CNTNAP2: variants seen among roughly 807,000 people sequenced by gnomAD.
CNTNAP2 encodes contactin associated protein 2, also known as contactin-associated protein-like 2.
In CNTNAP2, 98 loss-of-function variants were observed where a neutral mutation model predicts 155.2. The ratio of observed to expected loss-of-function variants is 0.63; its 90% CI spans 0.54 to 0.75. CNTNAP2 has a LOEUF of 0.75. Ranked by LOEUF, CNTNAP2 falls within the 30% of genes least tolerant of loss-of-function variation. The pLI, the probability that CNTNAP2 is intolerant of heterozygous loss-of-function variation, is 0.00. For synonymous variants in CNTNAP2, 651 were observed against 631.2 expected, an observed-to-expected ratio of 1.03 and a Z score of -0.47; for missense variants, 1,727 against 1,688.1, an observed-to-expected ratio of 1.02 and a Z score of -0.40.
chr7:147,160,867 G>A (rs1277852353), intron 8 of CNTNAP2, among the ~76,000 whole-genome samples: 1 of 152,114 alleles, frequency 6.6e-6, no homozygotes, highest in African/African-American at 2.4e-5. Flanking sequence ...GAAGAAAGAA[G>A]CAATGAATCT....
At chr7:148,047,541 T>TA (rs758994043) in intron 15 of CNTNAP2, among the ~76,000 whole-genome samples, 487 of 150,154 alleles carry the variant, frequency 3.2e-3, no homozygotes, top group Non-Finnish European at 5.8e-3. Context: ...ATATCACCAA[T>TA]AAAAAAAAAG....
chr7:148,364,608 C>G (rs1798696284), intron 21 of CNTNAP2, among the ~76,000 whole-genome samples: 1 of 152,146 alleles, frequency 6.6e-6, no homozygotes, highest in African/African-American at 2.4e-5. Context: ...CTGGTGGGGC[C>G]TTGGAGAACC....
intron 9 of CNTNAP2, among the ~76,000 whole-genome samples, chr7:147,312,757 A>T (rs1795149782): frequency 8.7e-6 from 1 of 114,434 alleles, no homozygotes; most frequent in Non-Finnish European, 1.7e-5. Flanking sequence ...CATGATTTAT[A>T]GTCCTTTGGG....
At chr7:147,251,115 C>A (rs1804187235) in intron 8 of CNTNAP2, among the ~76,000 whole-genome samples, 1 of 152,156 alleles carries the variant, frequency 6.6e-6, no homozygotes, top group East Asian at 1.9e-4. Flanking sequence ...AGGACATAAT[C>A]ATTCACACCC....
intron 9 of CNTNAP2, among the ~76,000 whole-genome samples, chr7:147,351,307 T>C (rs1212737604): frequency 6.6e-6 from 1 of 151,764 alleles, no homozygotes; most frequent in Non-Finnish European, 1.5e-5. Flanking sequence ...ATTATACTAA[T>C]TTCTGAATAT....
At chr7:146,278,440 A>G (rs887593300) in intron 1 of CNTNAP2, among the ~76,000 whole-genome samples, 1 of 152,200 alleles carries the variant, frequency 6.6e-6, no homozygotes, top group African/African-American at 2.4e-5. Flanking sequence ...AAAGGAGAAG[A>G]AAAGTTTAAA....
At chr7:146,816,368 C>T (rs1206238715) in intron 2 of CNTNAP2, among the ~76,000 whole-genome samples, 2 of 151,962 alleles carry the variant, frequency 1.3e-5, no homozygotes, top group Non-Finnish European at 2.9e-5. Context: ...GAAGAGGATT[C>T]GGTGGAGAGA....
chr7:147,095,560 C>A (rs1229913160), intron 4 of CNTNAP2, among the ~76,000 whole-genome samples: 1 of 151,546 alleles, frequency 6.6e-6, no homozygotes, highest in Non-Finnish European at 1.5e-5. Flanking sequence ...AGTTCTATTT[C>A]AAATCTCAGT....
intron 13 of CNTNAP2, among the ~76,000 whole-genome samples, chr7:147,795,911 A>G (rs1474649821): frequency 6.6e-6 from 1 of 152,202 alleles, no homozygotes; most frequent in East Asian, 1.9e-4. Flanking sequence ...ACATAAGCAC[A>G]TAAGCCAGGC....
rs150261617 is a variant in CNTNAP2, at chr7:147,165,495, T to A, written c.1348+32986T>A. On this transcript the variant is annotated intron_variant, in intron 8 of 23. Transcript: ENST00000361727. The stretch of plus-strand genomic sequence containing the variant: ...CTGTTCCCTTTGCTGTGCAGATAAG[T>A]CCCATCTATTTATCTTTGTTTCTGT... 2.4e-3 allele frequency among the ~76,000 whole-genome samples: 368 copies of A among 152,220 alleles called. 1 individual carries two copies. The highest frequency in any genetic ancestry group is 8.4e-3 in the African/African-American group (350 of 41,558).
intron 12 of CNTNAP2, among the ~76,000 whole-genome samples, chr7:147,580,499 C>T (rs1800478350): frequency 6.6e-6 from 1 of 152,144 alleles, no homozygotes. Flanking sequence ...TAATTGGGTT[C>T]AGCATCTTCA....
At chr7:148,386,299 G>T (rs141678103) in intron 22 of CNTNAP2, among the ~76,000 whole-genome samples, 4,406 of 152,260 alleles carry the variant, frequency 0.029, 72 homozygotes, top group Non-Finnish European at 0.036. Context: ...GGAGGCTGAG[G>T]TGGGTGGATC....
At chr7:147,471,702 T>C (rs1798218054) in intron 10 of CNTNAP2, among the ~76,000 whole-genome samples, 1 of 152,232 alleles carries the variant, frequency 6.6e-6, no homozygotes, top group Admixed American at 6.5e-5. Flanking sequence ...CTTGAGAACC[T>C]ACTCAATGCC....
At chr7:146,903,136 G>A (rs1235365723) in intron 3 of CNTNAP2, among the ~76,000 whole-genome samples, 2 of 152,162 alleles carry the variant, frequency 1.3e-5, no homozygotes, top group African/African-American at 4.8e-5. Flanking sequence ...ACAGGGTATT[G>A]TTCAGTTCAG....
At chr7:146,856,317 C>G (rs962696054) in intron 3 of CNTNAP2, among the ~76,000 whole-genome samples, 6 of 151,186 alleles carry the variant, frequency 4.0e-5, no homozygotes, top group East Asian at 3.9e-4. Context: ...TACATACATA[C>G]ATACATACAT....
At chr7:146,611,339 CTTCAGCTTCCCAA>C (rs756542068) in intron 1 of CNTNAP2, among the ~76,000 whole-genome samples, 3 of 152,220 alleles carry the variant, frequency 2.0e-5, no homozygotes, top group Non-Finnish European at 4.4e-5. Context: ...AATCTTCCCC[CTTCAGCTTCCCAA>C]AGTGCTGGGA....
intron 11 of CNTNAP2, among the ~76,000 whole-genome samples, chr7:147,498,750 G>T (rs1296021231): frequency 6.6e-6 from 1 of 152,098 alleles, no homozygotes; most frequent in African/African-American, 2.4e-5. Flanking sequence ...AATTCTAAAG[G>T]ATTTGAATTA....
chr7:146,270,710 T>C (rs1419571881), intron 1 of CNTNAP2, among the ~76,000 whole-genome samples: 8 of 152,170 alleles, frequency 5.3e-5, no homozygotes, highest in Non-Finnish European at 1.5e-5. Flanking sequence ...GATTGTAAAA[T>C]GGTCTCTTAA....
intron 12 of CNTNAP2, among the ~76,000 whole-genome samples, chr7:147,572,601 C>T (rs1020604069): frequency 6.6e-6 from 1 of 152,058 alleles, no homozygotes; most frequent in Admixed American, 6.6e-5. Flanking sequence ...AAAGACTTCA[C>T]AGTGTGGATG....
Sources: gnomAD v4.1 joint callset for allele counts (sites outside exome capture counted in the v4.1 genomes callset) on GRCh38, gnomAD v4.1.1 for gene constraint, MANE v1.5 for transcripts, NCBI Gene and HGNC (gene_info 2026-07-23, HGNC 2026-07-21) for gene names.